Variants in PCDH9 observed in about 807,000 individuals in gnomAD.
PCDH9 encodes protocadherin-9.
In PCDH9, 24 loss-of-function variants were observed where a neutral mutation model predicts 70.6. The observed-to-expected ratio is 0.34, with a 90% CI of 0.25 to 0.48. The LOEUF (loss-of-function observed/expected upper bound fraction) is 0.48. Ranked by LOEUF, PCDH9 falls within the 20% of genes least tolerant of loss-of-function variation. The pLI, the probability that PCDH9 is intolerant of heterozygous loss-of-function variation, is 0.99. For synonymous variants in PCDH9, 562 were observed against 558.5 expected (o/e 1.01, Z -0.09); for missense variants, 1,281 against 1,503.6 (o/e 0.85, Z 2.45).
chr13:66,381,838 C>T (rs1956853600), intron 4 of PCDH9, among the ~76,000 whole-genome samples: 1 of 152,140 alleles, frequency 6.6e-6, no homozygotes, highest in Non-Finnish European at 1.5e-5. Flanking sequence ...CTCACCCTGG[C>T]TCTACTTTAG....
intron 4 of PCDH9, among the ~76,000 whole-genome samples, chr13:66,464,524 T>C (rs1403790271): frequency 1.3e-5 from 2 of 152,098 alleles, no homozygotes; most frequent in East Asian, 3.9e-4. Flanking sequence ...TAATTGACTT[T>C]ACTGGAATTA....
At chr13:67,127,287 T>A (rs536764598) in intron 2 of PCDH9, among the ~76,000 whole-genome samples, 8 of 152,162 alleles carry the variant, frequency 5.3e-5, no homozygotes, top group Non-Finnish European at 1.0e-4. Flanking sequence ...GCCATCCTCA[T>A]CCAAGGCCAC....
chr13:66,664,189 C>A (rs1474480823), intron 3 of PCDH9, among the ~76,000 whole-genome samples: 6 of 152,152 alleles, frequency 3.9e-5, no homozygotes, highest in Non-Finnish European at 7.3e-5. Context: ...TATTGAAATT[C>A]TCTTCTGAAA....
chr13:66,795,971 T>C (rs1484144211), intron 3 of PCDH9, among the ~76,000 whole-genome samples: 2 of 152,174 alleles, frequency 1.3e-5, no homozygotes, highest in African/African-American at 4.8e-5. Flanking sequence ...AGTAATGTTC[T>C]AGGATGGCTG....
In PCDH9 at chr13:66,779,866, T is replaced by TATATATAC. The variant is rs1336725254; in HGVS notation, c.3138+123637_3138+123638insGTATATAT. On this transcript the variant is annotated intron_variant, in intron 3 of 4. Coordinates refer to ENST00000377865, the MANE Select transcript of PCDH9 (RefSeq NM_203487.3). ...CTCTCTCTCTATATATATATATATA[T>TATATATAC]ACATATATGTGTGTGTGTGTGTGTG... Among the ~76,000 whole-genome samples, 18 of 71,746 alleles carry TATATATAC rather than the reference T, an allele frequency of 2.5e-4. No homozygotes were observed. The East Asian group carries it at 2.9e-3, about 12-fold the overall frequency. 47.1% of individuals were successfully genotyped at this position (71,746 alleles called of 152,430 possible).
chr13:66,997,135 G>C (rs2084133131), intron 2 of PCDH9, among the ~76,000 whole-genome samples: 1 of 152,158 alleles, frequency 6.6e-6, no homozygotes, highest in Non-Finnish European at 1.5e-5. Flanking sequence ...CTTTTATTTA[G>C]GAAGTGTGTT....
At chr13:66,656,130 A>C (rs1329869187) in intron 3 of PCDH9, among the ~76,000 whole-genome samples, 2 of 140,046 alleles carry the variant, frequency 1.4e-5, no homozygotes, top group African/African-American at 5.2e-5. Context: ...AAGGAAAAGC[A>C]AAAAAAAAAA....
At chr13:67,042,868 C>T (rs1235393134) in intron 2 of PCDH9, among the ~76,000 whole-genome samples, 1 of 151,820 alleles carries the variant, frequency 6.6e-6, no homozygotes, top group Non-Finnish European at 1.5e-5. Context: ...CCAATGCTTT[C>T]TAAGAAATGT....
chr13:66,712,881 C>T (rs373523188), intron 3 of PCDH9, among the ~76,000 whole-genome samples: 6 of 152,018 alleles, frequency 3.9e-5, no homozygotes, highest in Admixed American at 2.6e-4. Flanking sequence ...AATGACAATC[C>T]TAAATAATTA....
chr13:66,632,158 G>C (rs1198853160), intron 3 of PCDH9, among the ~76,000 whole-genome samples: 1 of 152,108 alleles, frequency 6.6e-6, no homozygotes, highest in African/African-American at 2.4e-5. Flanking sequence ...GCCTCCCAAA[G>C]TGCTGGGATT....
chr13:66,934,870 G>A (rs1275006611), intron 2 of PCDH9, among the ~76,000 whole-genome samples: 3 of 146,240 alleles, frequency 2.1e-5, no homozygotes, highest in African/African-American at 5.0e-5. Context: ...ACAGGCGCCC[G>A]CTACCACGCC....
At chr13:66,423,606 G>A (rs1240692180) in intron 4 of PCDH9, among the ~76,000 whole-genome samples, 2 of 152,060 alleles carry the variant, frequency 1.3e-5, no homozygotes, top group Non-Finnish European at 2.9e-5. Flanking sequence ...ATGTAGAAAA[G>A]GCCATTGATA....
At chr13:66,498,725 T>C (rs182203706) in intron 4 of PCDH9, among the ~76,000 whole-genome samples, 1 of 152,134 alleles carries the variant, frequency 6.6e-6, no homozygotes. Flanking sequence ...AAAAAATTTT[T>C]TTTTAATGTA....
intron 3 of PCDH9, among the ~76,000 whole-genome samples, chr13:66,711,322 T>C (rs187709450): frequency 6.6e-6 from 1 of 152,164 alleles, no homozygotes; most frequent in African/African-American, 2.4e-5. Flanking sequence ...CAGATCTATG[T>C]TTGGTTCCAA....
At chr13:66,734,426 C>T (rs2079117901) in intron 3 of PCDH9, among the ~76,000 whole-genome samples, 1 of 152,116 alleles carries the variant, frequency 6.6e-6, no homozygotes, top group Admixed American at 6.6e-5. Context: ...TAATTGTGAG[C>T]TTCGTGGAGT....
intron 2 of PCDH9, among the ~76,000 whole-genome samples, chr13:67,180,653 C>T (rs61959433): frequency 0.049 from 7,425 of 152,192 alleles, 264 homozygotes; most frequent in Non-Finnish European, 0.078. Flanking sequence ...TCTTCACGAG[C>T]GGAGCCAACT....
At chr13:66,450,038 C>T (rs1395495869) in intron 4 of PCDH9, among the ~76,000 whole-genome samples, 1 of 151,978 alleles carries the variant, frequency 6.6e-6, no homozygotes, top group Non-Finnish European at 1.5e-5. Context: ...AGAATGCTTC[C>T]AATACTTCCA....
At chr13:66,363,833 G>A (rs1593861195) in intron 4 of PCDH9, among the ~76,000 whole-genome samples, 1 of 152,132 alleles carries the variant, frequency 6.6e-6, no homozygotes, top group Non-Finnish European at 1.5e-5. Context: ...GGATAATGAT[G>A]TTGGGCCTAC....
intron 4 of PCDH9, among the ~76,000 whole-genome samples, chr13:66,547,387 A>G (rs1439670269): frequency 1.3e-5 from 2 of 152,202 alleles, no homozygotes; most frequent in African/African-American, 4.8e-5. Context: ...TGTTCAAATC[A>G]ACAGAGTCTA....
Sources: gnomAD v4.1 joint callset for allele counts (sites outside exome capture counted in the v4.1 genomes callset) on GRCh38, gnomAD v4.1.1 for gene constraint, MANE v1.5 for transcripts, NCBI Gene and HGNC (gene_info 2026-07-23, HGNC 2026-07-21) for gene names.